Variants in AMPD3 observed in about 807,000 individuals in gnomAD.
AMPD3 encodes AMP deaminase 3.
Under a neutral mutation model 82.3 loss-of-function variants are expected in AMPD3, and 57 were observed. The observed-to-expected ratio is 0.69, with a 90% confidence interval of 0.56 to 0.86. The LOEUF (loss-of-function observed/expected upper bound fraction) is 0.86, where lower values mean the gene tolerates loss of function less well. Ranked by LOEUF, AMPD3 falls within the 40% of genes least tolerant of loss-of-function variation. The pLI is 0.00. For synonymous variants in AMPD3, 381 were observed against 394.7 expected, an observed-to-expected ratio of 0.97 and a Z score of 0.41; for missense variants, 870 against 1,003.8, an observed-to-expected ratio of 0.87 and a Z score of 1.80.
At chr11:10,458,033 G>A (rs1401739273) in intron 1 of AMPD3, among the ~76,000 whole-genome samples, 2 of 152,128 alleles carry the variant, frequency 1.3e-5, no homozygotes, top group Admixed American at 6.5e-5. Flanking sequence ...GGTCAGGCCT[G>A]TGTGTGTCTG....
intron 2 of AMPD3, chr11:10,477,195 C>T (rs1349552754): frequency 1.5e-5 from 12 of 800,198 alleles, no homozygotes; most frequent in Non-Finnish European, 1.7e-5. Context: ...TTTCTTCAGG[C>T]CTGTAGGTAT....
intron 1 of AMPD3, among the ~76,000 whole-genome samples, chr11:10,458,065 GGTGC>G (rs1564837364): frequency 6.6e-6 from 1 of 152,034 alleles, no homozygotes; most frequent in Non-Finnish European, 1.5e-5. Flanking sequence ...GAGGTAGGAA[GGTGC>G]TGCTGGTGGT....
At chr11:10,474,373 A>G (rs1203070125) in intron 2 of AMPD3, among the ~76,000 whole-genome samples, 1 of 152,178 alleles carries the variant, frequency 6.6e-6, no homozygotes, top group Non-Finnish European at 1.5e-5. Flanking sequence ...TGGGCTTCAG[A>G]TGGCCCCTGG....
At position 10,506,917 on chromosome 11, in the gene AMPD3, T is replaced by TG. The variant is rs1849727449; in HGVS notation, c.*1033_*1034insG. The stretch of plus-strand genomic sequence containing the variant: ...TAGTTGTGTGTGTGTGTGTGTGTGT[T>TG]TTTAATCACTGTAACCGGATGCATT... On this transcript the variant is annotated 3_prime_UTR_variant, in exon 15 of 15. Coordinates refer to ENST00000396553, the MANE Select transcript of AMPD3 (RefSeq NM_001025389.2). The surrounding 1 kb of genome is among the most constrained non-coding windows in gnomAD (Gnocchi z 4.1). 2.0e-5 allele frequency: 3 copies of TG among 150,352 alleles called. No individual in the cohort carries two copies. Among genetic ancestry groups the TG allele is most frequent in the African/African-American group, 5.0e-5 (2 of 40,166 alleles). The allele number at this position is 150,352 out of a possible 1,614,324, so 9.3% of individuals were successfully genotyped here.
chr11:10,475,110 A>G (rs1023639086), intron 2 of AMPD3, among the ~76,000 whole-genome samples: 2 of 152,216 alleles, frequency 1.3e-5, no homozygotes, highest in African/African-American at 4.8e-5. Context: ...GCATGGCAGC[A>G]TCTGCTTCTG....
At chr11:10,480,526 C>T (rs1407501078) in intron 3 of AMPD3, among the ~76,000 whole-genome samples, 1 of 152,096 alleles carries the variant, frequency 6.6e-6, no homozygotes, top group Non-Finnish European at 1.5e-5. Flanking sequence ...TTAGTATTTA[C>T]TAAATACTAC....
At chr11:10,457,327 G>A (rs1265702668) in intron 1 of AMPD3, among the ~76,000 whole-genome samples, 4 of 152,000 alleles carry the variant, frequency 2.6e-5, no homozygotes, top group Non-Finnish European at 4.4e-5. Context: ...GTAGTTCTGC[G>A]GAAGATTTTT....
At chr11:10,477,756 G>A (rs1848782176) in intron 2 of AMPD3, 2 of 445,836 alleles carry the variant, frequency 4.5e-6, no homozygotes, top group Non-Finnish European at 3.0e-6. Context: ...CAGCAGGGCT[G>A]GAGGCTGGGT....
chr11:10,485,130 TC>T, intron 5 of AMPD3, 91 bp downstream of exon 5: 1 of 1,226,674 alleles, frequency 8.2e-7, no homozygotes, highest in South Asian at 1.3e-5. Context: ...TGCCCTGGGG[TC>T]CCCTGTACTT....
intron 9 of AMPD3, 37 bp downstream of exon 9, chr11:10,495,770 C>T (rs200606309): frequency 7.4e-6 from 12 of 1,612,606 alleles, no homozygotes; most frequent in Non-Finnish European, 9.3e-6. Context: ...CTGTGCCCTA[C>T]AGAGGTGACA....
chr11:10,454,700 C>T (rs926707809), upstream of AMPD3, among the ~76,000 whole-genome samples: 7 of 152,162 alleles, frequency 4.6e-5, no homozygotes, highest in Non-Finnish European at 7.3e-5. Context: ...CTGAACGTGT[C>T]GGACTTAAAT....
Position 10,482,135 on chromosome 11 carries a change from C to T in AMPD3, c.499C>T (p.Arg167Trp), listed in dbSNP as rs760772452. 32 of 1,614,000 alleles carry T rather than the reference C, an allele frequency of 2.0e-5. 1 individual carries two copies. Among genetic ancestry groups the T allele is most frequent in the Middle Eastern group, 3.3e-4 (2 of 6,050 alleles). The change falls in exon 4 of 15, where the codon CGG becomes TGG. Residue 167 changes from arginine (R) to tryptophan (W), a missense_variant. Transcript: ENST00000396553. ...CCTAATGATCCGGGAGAAGTATGCG[C>T]GGCTCGCCTACCACCGCTTCCCGCG... is the stretch of plus-strand genomic sequence containing the variant. ...KALMIREKYARLAYHRFPRIT... is the reference protein window; with the variant it reads ...KALMIREKYAWLAYHRFPRIT...
At chr11:10,501,957 T>G (rs1473403735) in intron 12 of AMPD3, 25 of 985,312 alleles carry the variant, frequency 2.5e-5, no homozygotes, top group Non-Finnish European at 2.8e-5. Flanking sequence ...GACAAGCATT[T>G]TTTGATGCTG....
chr11:10,482,175 A>G lies in AMPD3; in HGVS notation c.539A>G (p.Tyr180Cys). The stretch of plus-strand genomic sequence containing the variant: ...CGCTTCCCGCGGATCACATCCCAGT[A>G]CCTGGGTCATCCGCGGGCGGATACT... The part of the protein sequence containing the change: ...YHRFPRITSQ[Y>C]LGHPRADTAP... Residue 180 changes from tyrosine to cysteine, a missense_variant, in exon 4 of 15, where the codon TAC (tyrosine) becomes TGC (cysteine). By Grantham distance (194) the Tyr-to-Cys change is radical. Transcript: ENST00000396553. 6.2e-7 allele frequency: 1 copy of G among 1,613,752 alleles called. No homozygotes were observed. The highest frequency in any genetic ancestry group is 1.7e-5 in the Admixed American group (1 of 60,026).
At chr11:10,461,369 G>T in intron 1 of AMPD3, 146 bp from the exon 2 acceptor site, 2 of 1,594,808 alleles carry the variant, frequency 1.3e-6, no homozygotes, top group Admixed American at 1.7e-5. Context: ...TTTGAAATTG[G>T]CATGCTGGGT....
intron 2 of AMPD3, among the ~76,000 whole-genome samples, chr11:10,467,361 T>C (rs959523143): frequency 4.6e-5 from 7 of 152,032 alleles, no homozygotes; most frequent in African/African-American, 1.7e-4. Context: ...ACGAGAACAT[T>C]GTGAAGCATT....
chr11:10,496,573 G>T (rs1277616489), intron 9 of AMPD3: 5 of 984,726 alleles, frequency 5.1e-6, no homozygotes, highest in Non-Finnish European at 6.0e-6. Flanking sequence ...AGTGGCTTCT[G>T]GCTTGAGAAA....
At position 10,494,893 on chromosome 11, in the gene AMPD3, C is replaced by A. The variant is rs180912663; in HGVS notation, c.1135-6C>A. On this transcript the variant is annotated splice_region_variant and splice_polypyrimidine_tract_variant and intron_variant, in intron 7 of 14. Coordinates refer to ENST00000396553, the MANE Select transcript of AMPD3 (RefSeq NM_001025389.2). ...ATGCGTTGATTGGTGTGGTCTCCCC[C>A]CTCAGGGCCGGCAGACATTCCACCG... is the stretch of plus-strand genomic sequence containing the variant. 326 of 1,613,332 alleles carry A rather than the reference C, an allele frequency of 2.0e-4. 3 individuals carry two copies. In the Admixed American group the frequency reaches 4.4e-3, roughly 22 times the overall value.
intron 2 of AMPD3, among the ~76,000 whole-genome samples, chr11:10,472,810 C>T (rs1398440115): frequency 6.6e-6 from 1 of 152,058 alleles, no homozygotes; most frequent in African/African-American, 2.4e-5. Context: ...TGGAGACCAG[C>T]CTGGCCAACA....
Sources: gnomAD v4.1 joint callset for allele counts (sites outside exome capture counted in the v4.1 genomes callset) on GRCh38, gnomAD v4.1.1 for gene constraint, Gnocchi (gnomAD v3.1) non-coding constraint, MANE v1.5 for transcripts, NCBI Gene and HGNC (gene_info 2026-07-23, HGNC 2026-07-21) for gene names.